The following FHAD1 variants were observed in gnomAD, a reference collection of about 807,000 sequenced individuals.
The protein encoded by FHAD1 is forkhead-associated domain-containing protein 1.
FHAD1 carries 146 observed loss-of-function variants against 191.3 expected under a neutral mutation model. The observed-to-expected ratio is 0.76, with a 90% CI of 0.67 to 0.88. The LOEUF (loss-of-function observed/expected upper bound fraction) is 0.88. Among genes scored for constraint, FHAD1 ranks in the 40% least tolerant of loss-of-function variants. The pLI is 0.00. For missense variants in FHAD1, 1,635 were observed against 1,785.8 expected (o/e 0.92, Z 1.52); for synonymous variants, 616 against 672.3 (o/e 0.92, Z 1.29).
At chr1:15,386,589 G>C (rs1319744326) in intron 31 of FHAD1, among the ~76,000 whole-genome samples, 1 of 152,228 alleles carries the variant, frequency 6.6e-6, no homozygotes, top group Non-Finnish European at 1.5e-5. Context: ...GTGGGGAGCA[G>C]GCCAGCTCCC....
chr1:15,304,234 A>C (rs1224963667), intron 6 of FHAD1, among the ~76,000 whole-genome samples: 2 of 152,272 alleles, frequency 1.3e-5, no homozygotes, highest in African/African-American at 4.8e-5. Context: ...AAGCTGAATT[A>C]GTATCTTAAA....
intron 8 of FHAD1, chr1:15,315,130 C>T (rs1477230047): frequency 6.6e-6 from 1 of 151,866 alleles, no homozygotes; most frequent in Non-Finnish European, 1.5e-5. Context: ...TGTGAACATC[C>T]GAATGACTGT....
chr1:15,329,186 A>C lies in FHAD1; in HGVS notation c.1711-160A>C. The stretch of plus-strand genomic sequence containing the variant: ...ATTAAAAAAAAACCTGTCAAAACAT[A>C]AAAATTTTAAAAAAGAAAAAAACTG... On this transcript the variant is annotated intron_variant, in intron 13 of 33. Transcript: ENST00000688493. This position sits in a 1 kb window ranked among gnomAD's most constrained non-coding sequence, Gnocchi z 5.0. The C allele has an allele frequency of 1.8e-6, 1 of 546,856 alleles. No individual in the cohort carries two copies. Among genetic ancestry groups the C allele is most frequent in the Admixed American group, 3.3e-5 (1 of 29,946 alleles). The allele number at this position is 546,856 out of a possible 1,614,324, so 33.9% of individuals were successfully genotyped here. A position where few individuals can be genotyped will look rare whatever the true frequency, so the allele number is the denominator to read the frequency against.
chr1:15,241,854 G>C (rs532350963), intron 1 of FHAD1, among the ~76,000 whole-genome samples: 158 of 152,256 alleles, frequency 1.0e-3, no homozygotes, highest in African/African-American at 3.3e-3. Context: ...TTCAAATGGT[G>C]TCTCAGCCCA....
intron 31 of FHAD1, chr1:15,383,972 G>T: frequency 2.8e-6 from 1 of 361,648 alleles, no homozygotes; most frequent in Non-Finnish European, 5.6e-6. Context: ...ATGTGTGTGT[G>T]CATTCTCGTG....
At chr1:15,244,536 T>C (rs1367411650), upstream of FHAD1, among the ~76,000 whole-genome samples, 1 of 151,938 alleles carries the variant, frequency 6.6e-6, no homozygotes, top group African/African-American at 2.4e-5. The surrounding 1 kb of genome is among the most constrained non-coding windows in gnomAD (Gnocchi z 5.1). Context: ...GGAGGTGGTG[T>C]TCAGGCCTGG....
intron 10 of FHAD1, among the ~76,000 whole-genome samples, chr1:15,322,170 G>A (rs927036726): frequency 1.7e-4 from 26 of 152,164 alleles, no homozygotes; most frequent in African/African-American, 6.0e-4. Flanking sequence ...TTGGCTTGCT[G>A]TTTTTCATTA....
At chr1:15,362,988 G>A (rs771542391) in intron 23 of FHAD1, among the ~76,000 whole-genome samples, 2 of 152,222 alleles carry the variant, frequency 1.3e-5, no homozygotes, top group Admixed American at 6.5e-5. Context: ...GGGCAGTGTC[G>A]TGGAAAGATT....
At position 15,325,503 on chromosome 1, in the gene FHAD1, C is replaced by T. The variant is rs1342889705; in HGVS notation, c.1473+944C>T. On this transcript the variant is annotated intron_variant, in intron 11 of 33. Transcript: ENST00000688493. The surrounding 1 kb of genome is among the most constrained non-coding windows in gnomAD (Gnocchi z 4.6). ...TCCAAGCCTTACCAGGCAGTGTGAC[C>T]AGGCCTTTGTCCCTGTACCCTAAAA... is the stretch of plus-strand genomic sequence containing the variant. 1 of 152,304 alleles carries T rather than the reference C, an allele frequency of 6.6e-6. No individual in the cohort carries two copies. Among genetic ancestry groups the T allele is most frequent in the Non-Finnish European group, 1.5e-5 (1 of 68,130 alleles). 9.4% of individuals were successfully genotyped at this position (152,304 alleles called of 1,614,324 possible). A position where few individuals can be genotyped will look rare whatever the true frequency, so the allele number is the denominator to read the frequency against.
At chr1:15,321,497 G>A (rs767068207) in intron 10 of FHAD1, among the ~76,000 whole-genome samples, 2 of 151,904 alleles carry the variant, frequency 1.3e-5, no homozygotes, top group African/African-American at 2.4e-5. Context: ...CTTTAACTTC[G>A]CTTACCCCAT....
chr1:15,360,851 C>T (rs1694556917), intron 22 of FHAD1, 148 bp downstream of exon 22: 3 of 704,538 alleles, frequency 4.3e-6, no homozygotes, highest in Admixed American at 5.6e-5. Flanking sequence ...GTTCTTGTTA[C>T]ACAACGATGT....
intron 5 of FHAD1, 34 bp downstream of exon 5, chr1:15,296,827 A>G (rs1198668548): frequency 6.6e-7 from 1 of 1,519,740 alleles, no homozygotes; most frequent in South Asian, 1.2e-5. Context: ...GTGGAGCTGC[A>G]GCAGCAAGCG....
intron 5 of FHAD1, among the ~76,000 whole-genome samples, chr1:15,298,494 G>A (rs551570542): frequency 6.6e-6 from 1 of 152,310 alleles, no homozygotes; most frequent in Admixed American, 6.5e-5. Flanking sequence ...AGGACACTTG[G>A]AATTTGAGCC....
intron 9 of FHAD1, among the ~76,000 whole-genome samples, chr1:15,317,500 G>A (rs1674860303): frequency 6.6e-6 from 1 of 152,236 alleles, no homozygotes; most frequent in South Asian, 2.1e-4. Context: ...CCTTTAGATT[G>A]AACTCAAAAA....
chr1:15,311,422 G>C lies in FHAD1; in HGVS notation c.1040-1635G>C, dbSNP rs1055416644. Reference sequence around the variant, plus strand: ...TCACTTTCCCACCATCCAGAATGGGGCAACCTTGCACTACACAGGGCACCT... The same window carrying C: ...TCACTTTCCCACCATCCAGAATGGGCCAACCTTGCACTACACAGGGCACCT... On this transcript the variant is annotated intron_variant, in intron 7 of 33. Transcript: ENST00000688493. The surrounding 1 kb of genome is among the most constrained non-coding windows in gnomAD (Gnocchi z 4.1). 6.6e-6 allele frequency among the ~76,000 whole-genome samples: 1 copy of C among 152,150 alleles called. No individual in the cohort carries two copies. The highest frequency in any genetic ancestry group is 2.4e-5 in the African/African-American group (1 of 41,426).
At chr1:15,317,753 T>C (rs1434292434) in intron 9 of FHAD1, 71 bp from the exon 10 acceptor site, 1 of 1,030,822 alleles carries the variant, frequency 9.7e-7, no homozygotes, top group East Asian at 2.6e-5. Flanking sequence ...TGATGAGGGC[T>C]CAGACCTCTC....
chr1:15,267,080 A>G (rs1435539239), intron 2 of FHAD1, among the ~76,000 whole-genome samples: 1 of 152,246 alleles, frequency 6.6e-6, no homozygotes, highest in Non-Finnish European at 1.5e-5. Flanking sequence ...TAAGAAAACA[A>G]CCCAAATTAA....
Position 15,358,257 on chromosome 1 carries a change from G to A in FHAD1, c.2710G>A (p.Glu904Lys), listed in dbSNP as rs765129001. ...CTTGAAATTAAATGAAACATTAGCCGAACTGGAAACTACCAAGACAAAAAT... is the reference window on the plus strand; with the variant it reads ...CTTGAAATTAAATGAAACATTAGCCAAACTGGAAACTACCAAGACAAAAAT... Reference protein sequence around the residue: ...LALKLNETLAELETTKTKMIM... With the variant: ...LALKLNETLAKLETTKTKMIM... Residue 904 changes from glutamate to lysine, a missense_variant, in exon 21 of 34, where the codon GAA becomes AAA. Glu to Lys is a moderately conservative substitution (Grantham distance 56). Transcript: ENST00000688493. The A allele has an allele frequency of 2.2e-5, 34 of 1,529,352 alleles. No individual in the cohort carries two copies. The highest frequency in any genetic ancestry group is 2.1e-4 in the Admixed American group (9 of 42,642). 94.7% of individuals were successfully genotyped at this position (1,529,352 alleles called of 1,614,324 possible).
At position 15,272,343 on chromosome 1, in the gene FHAD1, C is replaced by T; in HGVS notation, c.114C>T (p.His38=). ...TGCAGTCTCCTGACATCGACAACCA[C>T]CATGCACTCATTGAATATAACGAGG... The part of the protein sequence containing the change: ...LVLQSPDIDN[H]HALIEYNEAE... The change falls in exon 3 of 34, where the codon CAC becomes CAT. Residue 38 remains histidine (H), a synonymous_variant. Transcript: ENST00000688493. 1 of 1,551,708 alleles carries T rather than the reference C, an allele frequency of 6.4e-7. No homozygotes were observed. Among genetic ancestry groups the T allele is most frequent in the Non-Finnish European group, 8.7e-7 (1 of 1,146,982 alleles).
Sources: allele counts gnomAD v4.1 joint callset (sites outside exome capture counted in the v4.1 genomes callset), GRCh38; gene constraint gnomAD v4.1.1; non-coding constraint Gnocchi (gnomAD v3.1); transcripts MANE v1.5; gene names NCBI Gene and HGNC (gene_info 2026-07-23, HGNC 2026-07-21).